Variants in DOCK8 observed in about 807,000 individuals in gnomAD.
DOCK8 encodes dedicator of cytokinesis protein 8.
DOCK8 carries 141 observed loss-of-function variants against 245.6 expected under a neutral mutation model. The ratio of observed to expected loss-of-function variants is 0.57; its 90% CI spans 0.50 to 0.66. The LOEUF (loss-of-function observed/expected upper bound fraction) is 0.66, where lower values mean the gene tolerates loss of function less well. DOCK8 is among the 30% of genes least tolerant of loss of function. The pLI is 0.00. For missense variants in DOCK8, 2,965 were observed against 2,603.4 expected, an observed-to-expected ratio of 1.14 and a Z score of -3.02; for synonymous variants, 1,168 against 970.2, an observed-to-expected ratio of 1.20 and a Z score of -3.79.
chr9:426,803 A>T, intron 33 of DOCK8, 82 bp from the exon 34 acceptor site: 1 of 1,097,446 alleles, frequency 9.1e-7, no homozygotes, highest in Non-Finnish European at 1.4e-6. Flanking sequence ...AGATTTCTTT[A>T]CACCTTGGTG....
At chr9:340,604 G>A in intron 14 of DOCK8, 1 of 270,752 alleles carries the variant, frequency 3.7e-6, no homozygotes, top group Non-Finnish European at 7.1e-6. Flanking sequence ...CTGGGAGACA[G>A]AACCAGACTC....
rs2050849040 is a variant in DOCK8 at position 328,162 on chromosome 9, G to C, written c.1035G>C (p.Leu345=). ...CCTACCCGTCCTCAGACATCTACCT[G>C]GTAGTCAAGGTAATTCAGTACGATC... ...SVTYPSSDIY[L]VVKIEKVLQQ... is the part of the protein sequence containing the mutation. The change falls in exon 9 of 48, where the codon CTG becomes CTC. Residue 345 remains leucine, a synonymous_variant. Transcript: ENST00000432829. The C allele has an allele frequency of 6.2e-7, 1 of 1,613,648 alleles. No individual in the cohort carries two copies. The highest frequency in any genetic ancestry group is 1.7e-5 in the Admixed American group (1 of 59,964).
At chr9:368,388 T>C (rs868667812) in intron 15 of DOCK8, 2 of 683,268 alleles carry the variant, frequency 2.9e-6, no homozygotes, top group Admixed American at 2.1e-5. Flanking sequence ...AAAAAAGTCA[T>C]AAAGTCTTTC....
Position 341,397 on chromosome 9 carries a change from T to C in DOCK8, c.1679+1076T>C, listed in dbSNP as rs527958940. 2.3e-3 allele frequency among the ~76,000 whole-genome samples: 345 copies of C among 152,326 alleles called. 1 individual carries two copies. Among genetic ancestry groups the C allele is most frequent in the African/African-American group, 6.2e-3 (259 of 41,572 alleles). The stretch of plus-strand genomic sequence containing the variant: ...CATGCACTTCTTTATTTTGAGACTA[T>C]TTCCTTTAATGCAGAAAAGGATGCC... On this transcript the variant is annotated intron_variant, in intron 14 of 47. Transcript: ENST00000432829.
At chr9:394,208 G>T (rs1468145384) in intron 24 of DOCK8, among the ~76,000 whole-genome samples, 2 of 151,820 alleles carry the variant, frequency 1.3e-5, no homozygotes, top group Admixed American at 1.3e-4. Context: ...CCTGAGTGAT[G>T]TGGTCCCTCG....
In DOCK8 at chr9:386,341, G is replaced by T; in HGVS notation, c.2789G>T (p.Arg930Leu). The T allele has an allele frequency of 6.2e-7, 1 of 1,613,472 alleles. No homozygotes were observed. The highest frequency in any genetic ancestry group is 8.5e-7 in the Non-Finnish European group (1 of 1,179,630). Residue 930 changes from arginine (R) to leucine (L), a missense_variant, in exon 23 of 48, where the codon CGC becomes CTC. Physicochemically the swap from Arg to Leu is moderately radical, Grantham distance 102. Transcript: ENST00000432829. ...KNIMSSKIAD[R>L]NCSRMSYYCS... ...GTTTGTGTATTTTAGATCGCCGATC[G>T]CAACTGCAGCCGAATGTCTTACTAT...
intron 46 of DOCK8, among the ~76,000 whole-genome samples, chr9:458,773 T>C (rs1398349744): frequency 6.6e-6 from 1 of 152,180 alleles, no homozygotes; most frequent in Admixed American, 6.5e-5. Flanking sequence ...ATCATGCCAC[T>C]GCCTTCCACC....
At chr9:236,465 A>G (rs1384565579) in intron 1 of DOCK8, among the ~76,000 whole-genome samples, 3 of 152,198 alleles carry the variant, frequency 2.0e-5, no homozygotes, top group African/African-American at 7.2e-5. Context: ...GCTAGTGCAT[A>G]TTGATAGGCC....
chr9:398,876 G>C (rs987567580), intron 25 of DOCK8, among the ~76,000 whole-genome samples: 11 of 151,230 alleles, frequency 7.3e-5, no homozygotes, highest in Non-Finnish European at 1.6e-4. Flanking sequence ...TAGAGAATGA[G>C]GTTAATTATA....
At chr9:214,538 C>T (rs749955785), upstream of DOCK8, 4 of 1,613,532 alleles carry the variant, frequency 2.5e-6, no homozygotes, top group East Asian at 2.2e-5. Flanking sequence ...TTCCCGACCT[C>T]GCCAGCTTTG....
At chr9:217,103 T>C (rs2046774225) in intron 1 of DOCK8, among the ~76,000 whole-genome samples, 2 of 152,184 alleles carry the variant, frequency 1.3e-5, no homozygotes, top group African/African-American at 4.8e-5. Context: ...AACATACACA[T>C]TGGAATTTAG....
intron 8 of DOCK8, among the ~76,000 whole-genome samples, chr9:326,812 C>T (rs559331257): frequency 6.6e-6 from 1 of 152,334 alleles, no homozygotes; most frequent in East Asian, 1.9e-4. Context: ...AAGTTTGATA[C>T]ATTGCTTCTG....
At chr9:339,142 T>G (rs752459484) in intron 13 of DOCK8, 43 bp downstream of exon 13, 16 of 1,514,790 alleles carry the variant, frequency 1.1e-5, no homozygotes. Context: ...GTGCCAAAAC[T>G]GCTTATCGTT....
intron 1 of DOCK8, among the ~76,000 whole-genome samples, chr9:268,970 C>T (rs2129899695): frequency 6.6e-6 from 1 of 152,306 alleles, no homozygotes; most frequent in Non-Finnish European, 1.5e-5. Context: ...GAGACAAAAT[C>T]TGAGGTTATT....
At chr9:411,447 T>C (rs1011749217) in intron 28 of DOCK8, among the ~76,000 whole-genome samples, 10 of 151,920 alleles carry the variant, frequency 6.6e-5, no homozygotes, top group African/African-American at 2.4e-4. Flanking sequence ...TATTTTAAAA[T>C]TTAAAACTTC....
At chr9:423,363 A>G (rs1330953365) in intron 33 of DOCK8, among the ~76,000 whole-genome samples, 1 of 152,200 alleles carries the variant, frequency 6.6e-6, no homozygotes, top group African/African-American at 2.4e-5. Context: ...AGCCACAGGT[A>G]GCCTAATGAG....
intron 1 of DOCK8, among the ~76,000 whole-genome samples, chr9:236,951 G>A (rs1251597976): frequency 6.6e-6 from 1 of 152,232 alleles, no homozygotes; most frequent in Non-Finnish European, 1.5e-5. Context: ...CTTCCCTGGG[G>A]AGGACTGCTT....
intron 26 of DOCK8, among the ~76,000 whole-genome samples, chr9:403,886 CTCTCTCTA>C (rs1453634707): frequency 1.8e-3 from 157 of 89,346 alleles, no homozygotes; most frequent in South Asian, 6.2e-3. Flanking sequence ...CTCTCTCTCT[CTCTCTCTA>C]TATATATATA....
At chr9:432,053 C>A in intron 36 of DOCK8, 113 bp from the exon 37 acceptor site, 1 of 1,067,328 alleles carries the variant, frequency 9.4e-7, no homozygotes, top group Non-Finnish European at 1.4e-6. Context: ...ATAATTAAGA[C>A]GGGGCAAAGG....
Sources: allele counts gnomAD v4.1 joint callset (sites outside exome capture counted in the v4.1 genomes callset), GRCh38; gene constraint gnomAD v4.1.1; transcripts MANE v1.5; gene names NCBI Gene and HGNC (gene_info 2026-07-23, HGNC 2026-07-21).